ABCG4: variants seen among roughly 807,000 people sequenced by gnomAD.
The protein encoded by ABCG4 is ATP binding cassette subfamily G member 4.
ABCG4 carries 35 observed loss-of-function variants against 64.6 expected under a neutral mutation model. The observed-to-expected ratio is 0.54, with a 90% CI of 0.41 to 0.72. The LOEUF is 0.72. ABCG4 is among the 30% of genes least tolerant of loss of function. The pLI is 0.00. For synonymous variants in ABCG4, 326 were observed against 348.2 expected, an observed-to-expected ratio of 0.94 and a Z score of 0.71; for missense variants, 610 against 846.3, an observed-to-expected ratio of 0.72 and a Z score of 3.46.
Position 119,158,607 on chromosome 11 carries a change from C to T in ABCG4, c.1218C>T (p.Ile406=), listed in dbSNP as rs145578285. 20 of 1,614,104 alleles carry T rather than the reference C, an allele frequency of 1.2e-5. No individual in the cohort carries two copies. The highest frequency in any genetic ancestry group is 1.6e-4 in the Middle Eastern group (1 of 6,084). Residue 406 remains isoleucine, a synonymous_variant, in exon 11 of 15, where the codon ATC becomes ATT. Coordinates refer to ENST00000619701, the MANE Select transcript of ABCG4 (RefSeq NM_022169.5). The surrounding 1 kb of genome is among the most constrained non-coding windows in gnomAD (Gnocchi z 4.5). ...CCCACGTGGTTATTGGCGTGCTCAT[C>T]GGCCTCCTCTACCTGCATATTGGCG... ...FMSHVVIGVL[I]GLLYLHIGDD...
In ABCG4 at chr11:119,150,308, G is replaced by C. The variant is rs1948178842; in HGVS notation, c.238+105G>C. The C allele has an allele frequency of 6.8e-7, 1 of 1,466,160 alleles. No individual in the cohort carries two copies. The highest frequency in any genetic ancestry group is 2.3e-5 in the East Asian group (1 of 43,666). 90.8% of individuals were successfully genotyped at this position (1,466,160 alleles called of 1,614,324 possible). On this transcript the variant is annotated intron_variant, in intron 2 of 14. Transcript: ENST00000619701. This position sits in a 1 kb window ranked among gnomAD's most constrained non-coding sequence, Gnocchi z 4.3. The stretch of plus-strand genomic sequence containing the variant: ...TGTTCGGAAAGTCCTGCACCAGTGG[G>C]CTCTGTGGAAACACTAAAATCTGGG...
At chr11:119,151,982 CTGTGAGAGGCAAATGTAAGATGACTTT>C (rs1948197942) in intron 2 of ABCG4, among the ~76,000 whole-genome samples, 1 of 152,214 alleles carries the variant, frequency 6.6e-6, no homozygotes, top group Non-Finnish European at 1.5e-5. Context: ...GAGACGGTAT[CTGTGAGAGGCAAATGTAAGATGACTTT>C]TGTGTTAGGC....
chr11:119,161,180 C>G lies in ABCG4; in HGVS notation c.*74C>G. On this transcript the variant is annotated 3_prime_UTR_variant, in exon 15 of 15. Coordinates refer to ENST00000619701, the MANE Select transcript of ABCG4 (RefSeq NM_022169.5). ...TCCCAGCCCTTTGGGACTGTTTTAA[C>G]CTTATAGACTTGGGCACTGGTTCCT... 7.1e-7 allele frequency: 1 copy of G among 1,404,000 alleles called. No homozygotes were observed. Among genetic ancestry groups the G allele is most frequent in the East Asian group, 2.3e-5 (1 of 42,690 alleles). The allele number at this position is 1,404,000 out of a possible 1,614,324, so 87.0% of individuals were successfully genotyped here. A position where few individuals can be genotyped will look rare whatever the true frequency, so the allele number is the denominator to read the frequency against.
In ABCG4 at chr11:119,160,989, G is replaced by T. The variant is rs143065575; in HGVS notation, c.1824G>T (p.Ala608=). The part of the protein sequence containing the change: ...PFREPQSILR[A]LDVEDAKLYM... ...GGGAGCCACAGAGCATCCTCCGAGCGCTGGATGTGGAGGATGCCAAGCTCT... is the reference window on the plus strand; with the variant it reads ...GGGAGCCACAGAGCATCCTCCGAGCTCTGGATGTGGAGGATGCCAAGCTCT... Residue 608 remains alanine, a synonymous_variant, in exon 15 of 15, where the codon GCG becomes GCT. Transcript: ENST00000619701. This position sits in a 1 kb window ranked among gnomAD's most constrained non-coding sequence, Gnocchi z 4.6. 2 of 1,613,974 alleles carry T rather than the reference G, an allele frequency of 1.2e-6. No individual in the cohort carries two copies. Among genetic ancestry groups the T allele is most frequent in the East Asian group, 2.2e-5 (1 of 44,898 alleles).
Position 119,155,735 on chromosome 11 carries a change from T to C in ABCG4, c.687-594T>C, listed in dbSNP as rs1948256206. ...AGTCAGGTGACTTACAAGGGCCTGG[T>C]CTGAACCTACTTCTCCAGCCTCAAG... is the stretch of plus-strand genomic sequence containing the variant. On this transcript the variant is annotated intron_variant, in intron 6 of 14. Coordinates refer to ENST00000619701, the MANE Select transcript of ABCG4 (RefSeq NM_022169.5). This position sits in a 1 kb window ranked among gnomAD's most constrained non-coding sequence, Gnocchi z 4.5. 6.5e-6 allele frequency: 1 copy of C among 154,558 alleles called. No individual in the cohort carries two copies. The highest frequency in any genetic ancestry group is 2.4e-5 in the African/African-American group (1 of 41,472). 9.6% of individuals were successfully genotyped at this position (154,558 alleles called of 1,614,324 possible).
rs1948348755 is a variant in ABCG4 at position 119,161,284 on chromosome 11, G to T, written c.*178G>T. 2 of 604,100 alleles carry T rather than the reference G, an allele frequency of 3.3e-6. No individual in the cohort carries two copies. Among genetic ancestry groups the T allele is most frequent in the Non-Finnish European group, 5.8e-6 (2 of 345,014 alleles). The allele number at this position is 604,100 out of a possible 1,614,324, so 37.4% of individuals were successfully genotyped here. A position where few individuals can be genotyped will look rare whatever the true frequency, so the allele number is the denominator to read the frequency against. On this transcript the variant is annotated 3_prime_UTR_variant, in exon 15 of 15. Coordinates refer to ENST00000619701, the MANE Select transcript of ABCG4 (RefSeq NM_022169.5). ...CGCTCCCAGCCTGGGCTCTGGGAGT[G>T]GGGGCTCCAGCCCTCCCCACTATGC... is the stretch of plus-strand genomic sequence containing the variant.
Position 119,160,907 on chromosome 11 carries a change from C to A in ABCG4, c.1742C>A (p.Thr581Lys). The change falls in exon 15 of 15, where the codon ACG becomes AAG. Residue 581 changes from threonine to lysine, a missense_variant. Coordinates refer to ENST00000619701, the MANE Select transcript of ABCG4 (RefSeq NM_022169.5). The surrounding 1 kb of genome is among the most constrained non-coding windows in gnomAD (Gnocchi z 4.6). Reference sequence around the variant, plus strand: ...TATGGCTTTGAGGGTGTGATCCTGACGATCTATGGCATGGAGCGAGGAGAC... The same window carrying A: ...TATGGCTTTGAGGGTGTGATCCTGAAGATCTATGGCATGGAGCGAGGAGAC... ...VRYGFEGVIL[T>K]IYGMERGDLT... 1 of 1,613,948 alleles carries A rather than the reference C, an allele frequency of 6.2e-7. No homozygotes were observed.
chr11:119,150,342 C>G lies in ABCG4; in HGVS notation c.238+139C>G, dbSNP rs1206780836. On this transcript the variant is annotated intron_variant, in intron 2 of 14. Coordinates refer to ENST00000619701, the MANE Select transcript of ABCG4 (RefSeq NM_022169.5). The surrounding 1 kb of genome is among the most constrained non-coding windows in gnomAD (Gnocchi z 4.3). ...AAACACTAAAATCTGGGCCCCAGCC[C>G]GTTGCTCACTGTGCACTCTTGGGGT... 8.1e-7 allele frequency: 1 copy of G among 1,239,100 alleles called. No individual in the cohort carries two copies. Among genetic ancestry groups the G allele is most frequent in the Non-Finnish European group, 1.1e-6 (1 of 897,530 alleles). The allele number at this position is 1,239,100 out of a possible 1,614,324, so 76.8% of individuals were successfully genotyped here.
In ABCG4 at chr11:119,161,584, T is replaced by G. The variant is rs954516430; in HGVS notation, c.*478T>G. ...CTGGTGGAGTCCACTGGAAGTCCCATTATGGATGTTGAAATGGACAGGGAA... is the reference window on the plus strand; with the variant it reads ...CTGGTGGAGTCCACTGGAAGTCCCAGTATGGATGTTGAAATGGACAGGGAA... On this transcript the variant is annotated 3_prime_UTR_variant, in exon 15 of 15. Coordinates refer to ENST00000619701, the MANE Select transcript of ABCG4 (RefSeq NM_022169.5). 1 of 158,504 alleles carries G rather than the reference T, an allele frequency of 6.3e-6. No homozygotes were observed. Among genetic ancestry groups the G allele is most frequent in the Non-Finnish European group, 1.4e-5 (1 of 71,456 alleles). The allele number at this position is 158,504 out of a possible 1,614,324, so 9.8% of individuals were successfully genotyped here.
At position 119,158,604 on chromosome 11, in the gene ABCG4, C is replaced by T; in HGVS notation, c.1215C>T (p.Leu405=). 6.2e-7 allele frequency: 1 copy of T among 1,614,236 alleles called. No individual in the cohort carries two copies. The highest frequency in any genetic ancestry group is 8.5e-7 in the Non-Finnish European group (1 of 1,180,042). Residue 405 remains leucine (L), a synonymous_variant, in exon 11 of 15, where the codon CTC becomes CTT. Transcript: ENST00000619701. This position sits in a 1 kb window ranked among gnomAD's most constrained non-coding sequence, Gnocchi z 4.5. The part of the protein sequence containing the change: ...RFMSHVVIGV[L]IGLLYLHIGD... ...TGTCCCACGTGGTTATTGGCGTGCT[C>T]ATCGGCCTCCTCTACCTGCATATTG...
chr11:119,156,828 A>C lies in ABCG4; in HGVS notation c.926-44A>C. The C allele has an allele frequency of 6.3e-7, 1 of 1,593,028 alleles. No individual in the cohort carries two copies. Among genetic ancestry groups the C allele is most frequent in the Middle Eastern group, 1.7e-4 (1 of 5,942 alleles). On this transcript the variant is annotated intron_variant, in intron 8 of 14. Transcript: ENST00000619701. The surrounding 1 kb of genome is among the most constrained non-coding windows in gnomAD (Gnocchi z 5.5). ...AGGCGGGACTGACTTGCCCTTGGGAAGTGAGTGTGAATCTAAACTGAGCTC... is the reference window on the plus strand; with the variant it reads ...AGGCGGGACTGACTTGCCCTTGGGACGTGAGTGTGAATCTAAACTGAGCTC...
chr11:119,160,664 C>T lies in ABCG4; in HGVS notation c.1715+8C>T. On this transcript the variant is annotated splice_region_variant and intron_variant, in intron 14 of 14. Transcript: ENST00000619701. This position sits in a 1 kb window ranked among gnomAD's most constrained non-coding sequence, Gnocchi z 4.6. ...CTATCTCTCCTATGTCAGGTCAGTA[C>T]CCCTGCCCTCCTCGTTGGCCTCTGC... 6.2e-7 allele frequency: 1 copy of T among 1,608,738 alleles called. No individual in the cohort carries two copies. Among genetic ancestry groups the T allele is most frequent in the Non-Finnish European group, 8.5e-7 (1 of 1,175,308 alleles).
rs1407979358 is a variant in ABCG4 at position 119,156,329 on chromosome 11, T to C, written c.687T>C (p.Ser229=). ...PPVMFFDEPT[S]GLDSASCFQV... ...CCCCTGGTGGCCTCTCTCTGGACAG[T>C]GGTCTGGATAGCGCCTCTTGTTTCC... The change falls in exon 7 of 15, where the codon AGT becomes AGC. Residue 229 remains serine, a splice_region_variant and synonymous_variant. Transcript: ENST00000619701. This position sits in a 1 kb window ranked among gnomAD's most constrained non-coding sequence, Gnocchi z 5.5. 5.0e-6 allele frequency: 8 copies of C among 1,614,192 alleles called. No individual in the cohort carries two copies. The South Asian group carries it at 6.6e-5, about 13-fold the overall frequency.
intron 2 of ABCG4, among the ~76,000 whole-genome samples, chr11:119,152,061 T>C (rs1333096423): frequency 6.6e-6 from 1 of 152,220 alleles, no homozygotes; most frequent in Non-Finnish European, 1.5e-5. Context: ...GAGGGGAAGG[T>C]TCGTCGTTGC....
At position 119,161,210 on chromosome 11, in the gene ABCG4, G is replaced by A. The variant is rs1402598095; in HGVS notation, c.*104G>A. On this transcript the variant is annotated 3_prime_UTR_variant, in exon 15 of 15. Transcript: ENST00000619701. ...TAGACTTGGGCACTGGTTCCTGGCG[G>A]GGCTATCCTCTCCTCCCTTGGCTCC... 5.4e-6 allele frequency: 6 copies of A among 1,102,978 alleles called. No individual in the cohort carries two copies. The highest frequency in any genetic ancestry group is 7.6e-6 in the Non-Finnish European group (6 of 786,370). 68.3% of individuals were successfully genotyped at this position (1,102,978 alleles called of 1,614,324 possible). A position where few individuals can be genotyped will look rare whatever the true frequency, so the allele number is the denominator to read the frequency against.
chr11:119,158,804 G>A lies in ABCG4; in HGVS notation c.1337-25G>A, dbSNP rs759881457. The A allele has an allele frequency of 6.8e-6, 11 of 1,614,002 alleles. No homozygotes were observed. In the African/African-American group the frequency reaches 1.5e-4, roughly 22 times the overall value. On this transcript the variant is annotated intron_variant, in intron 11 of 14. Coordinates refer to ENST00000619701, the MANE Select transcript of ABCG4 (RefSeq NM_022169.5). The surrounding 1 kb of genome is among the most constrained non-coding windows in gnomAD (Gnocchi z 4.5). ...GCAGGGGCCAGGGTGTCGGCCGGGT[G>A]TGCCTAAGCAGCCTGTGTCCTCAGT...
chr11:119,152,384 G>C (rs1565813044), intron 2 of ABCG4, among the ~76,000 whole-genome samples: 1 of 152,226 alleles, frequency 6.6e-6, no homozygotes, highest in South Asian at 2.1e-4. Context: ...CTGACGGGAA[G>C]CATCCAGAGG....
At position 119,149,478 on chromosome 11, in the gene ABCG4, G is replaced by A. The variant is rs1200917706; in HGVS notation, c.-13+115G>A. On this transcript the variant is annotated intron_variant, in intron 1 of 14. Transcript: ENST00000619701. This position sits in a 1 kb window ranked among gnomAD's most constrained non-coding sequence, Gnocchi z 8.3. ...CAGCCCGGGGCACGCGGGCCCGGGG[G>A]TGCCGGCGGGAGGGGCCGGCCTGGG... 6.4e-6 allele frequency: 1 copy of A among 155,222 alleles called. No individual in the cohort carries two copies. Among genetic ancestry groups the A allele is most frequent in the Non-Finnish European group, 1.4e-5 (1 of 69,978 alleles). The allele number at this position is 155,222 out of a possible 1,614,324, so 9.6% of individuals were successfully genotyped here. A position where few individuals can be genotyped will look rare whatever the true frequency, so the allele number is the denominator to read the frequency against.
In ABCG4 at chr11:119,155,026, G is replaced by A. The variant is rs1948247865; in HGVS notation, c.686+111G>A. 2.1e-6 allele frequency: 3 copies of A among 1,446,128 alleles called. No homozygotes were observed. Among genetic ancestry groups the A allele is most frequent in the Non-Finnish European group, 2.8e-6 (3 of 1,072,572 alleles). 89.6% of individuals were successfully genotyped at this position (1,446,128 alleles called of 1,614,324 possible). ...CAGAGCCTCTGTTCACAGCCTCCTG[G>A]GGCCAAGATAAGGGCTTCTTCCTCA... On this transcript the variant is annotated intron_variant, in intron 6 of 14. Transcript: ENST00000619701. The surrounding 1 kb of genome is among the most constrained non-coding windows in gnomAD (Gnocchi z 4.5).
Sources: allele counts gnomAD v4.1 joint callset (sites outside exome capture counted in the v4.1 genomes callset), GRCh38; gene constraint gnomAD v4.1.1; non-coding constraint Gnocchi (gnomAD v3.1); transcripts MANE v1.5; gene names NCBI Gene and HGNC (gene_info 2026-07-23, HGNC 2026-07-21).